ATP11B: variants seen among roughly 807,000 people sequenced by gnomAD.
ATP11B encodes phospholipid-transporting ATPase IF.
A neutral mutation model predicts 157.8 loss-of-function variants in ATP11B; 81 were observed. The observed-to-expected ratio is 0.51, with a 90% CI of 0.43 to 0.62. The LOEUF is 0.62. ATP11B is among the 20% of genes least tolerant of loss of function. The pLI is 0.00. For synonymous variants in ATP11B, 451 were observed against 469.4 expected (o/e 0.96, Z 0.51); for missense variants, 1,165 against 1,402.2 (o/e 0.83, Z 2.70).
intron 18 of ATP11B, 46 bp from the exon 19 acceptor site, chr3:182,873,766 G>A: frequency 1.3e-6 from 2 of 1,485,734 alleles, no homozygotes; most frequent in South Asian, 1.1e-5. Context: ...TTAAAATACA[G>A]TCATAAAAGT....
At chr3:182,873,679 T>C (rs1288120909) in intron 18 of ATP11B, 133 bp from the exon 19 acceptor site, 20 of 696,986 alleles carry the variant, frequency 2.9e-5, no homozygotes, top group Non-Finnish European at 3.5e-5. Flanking sequence ...CCAGTTATAT[T>C]GCTATATTGT....
chr3:182,872,810 G>C (rs1721762933), intron 18 of ATP11B, among the ~76,000 whole-genome samples: 1 of 152,140 alleles, frequency 6.6e-6, no homozygotes, highest in Non-Finnish European at 1.5e-5. Context: ...GCAAACACTT[G>C]AAGCACCTGC....
At chr3:182,814,924 C>T (rs995094283) in intron 1 of ATP11B, among the ~76,000 whole-genome samples, 2 of 152,158 alleles carry the variant, frequency 1.3e-5, no homozygotes, top group African/African-American at 4.8e-5. Context: ...GTACATAACA[C>T]ATGCCTTCCT....
At chr3:182,861,374 A>AT (rs1720826936) in intron 12 of ATP11B, among the ~76,000 whole-genome samples, 1 of 152,102 alleles carries the variant, frequency 6.6e-6, no homozygotes. Flanking sequence ...CTAATAATAC[A>AT]TTTTTTAAAA....
intron 28 of ATP11B, chr3:182,905,979 A>T: frequency 2.5e-6 from 1 of 406,874 alleles, no homozygotes; most frequent in Non-Finnish European, 5.1e-6. Context: ...CTTGGGGGGC[A>T]TGTCATGGGA....
rs899697424 is a variant in ATP11B at position 182,918,239 on chromosome 3, T to C, written c.*135T>C. The C allele has an allele frequency of 7.8e-6, 10 of 1,277,818 alleles. No homozygotes were observed. In the Admixed American group the frequency reaches 1.3e-4, roughly 17 times the overall value. The allele number at this position is 1,277,818 out of a possible 1,614,324, so 79.2% of individuals were successfully genotyped here. On this transcript the variant is annotated 3_prime_UTR_variant, in exon 30 of 30. Coordinates refer to ENST00000323116, the MANE Select transcript of ATP11B (RefSeq NM_014616.3). ...AGTAGTTCATACCCACTCAGAGTTA[T>C]AATGGCAAACAAACAGAAAGCATTA...
chr3:182,896,965 A>G (rs1723592875), intron 26 of ATP11B, among the ~76,000 whole-genome samples, 200 bp downstream of exon 26: 1 of 152,114 alleles, frequency 6.6e-6, no homozygotes, highest in East Asian at 1.9e-4. Flanking sequence ...GCCTCAGCTG[A>G]TATTTATGAT....
rs1005557995 is a variant in ATP11B at position 182,920,410 on chromosome 3, T to G, written c.*2306T>G. The G allele has an allele frequency of 7.2e-5, 11 of 152,226 alleles. No individual in the cohort carries two copies. Among genetic ancestry groups the G allele is most frequent in the African/African-American group, 2.7e-4 (11 of 41,450 alleles). The allele number at this position is 152,226 out of a possible 1,614,324, so 9.4% of individuals were successfully genotyped here. On this transcript the variant is annotated 3_prime_UTR_variant, in exon 30 of 30. Coordinates refer to ENST00000323116, the MANE Select transcript of ATP11B (RefSeq NM_014616.3). ...GAAAGTAACAATGCAGTCTGCAAGCTTTCAGTAGTTTTCTAGTGCTATATT... is the reference window on the plus strand; with the variant it reads ...GAAAGTAACAATGCAGTCTGCAAGCGTTCAGTAGTTTTCTAGTGCTATATT...
intron 1 of ATP11B, among the ~76,000 whole-genome samples, chr3:182,804,438 G>A (rs1256310405): frequency 2.0e-5 from 3 of 151,872 alleles, no homozygotes; most frequent in African/African-American, 7.3e-5. Flanking sequence ...GCAGAGACGG[G>A]GTTTCACCAT....
chr3:182,848,667 C>G (rs922358538), intron 10 of ATP11B, 110 bp downstream of exon 10: 1 of 433,952 alleles, frequency 2.3e-6, no homozygotes, highest in East Asian at 6.7e-5. Context: ...AGAATGAAAA[C>G]CTTGGGGACA....
rs923739415 is a variant in ATP11B, at chr3:182,866,257, C to T, written c.1444-11C>T. 1.3e-5 allele frequency: 20 copies of T among 1,512,000 alleles called. No homozygotes were observed. The highest frequency in any genetic ancestry group is 1.8e-5 in the Non-Finnish European group (20 of 1,121,320). 93.7% of individuals were successfully genotyped at this position (1,512,000 alleles called of 1,614,324 possible). On this transcript the variant is annotated splice_polypyrimidine_tract_variant and intron_variant, in intron 13 of 29. Coordinates refer to ENST00000323116, the MANE Select transcript of ATP11B (RefSeq NM_014616.3). ...ATATTTTTATCATGAATATTAATTA[C>T]ATTTTTACAGATTAAAGAACATGAT...
At chr3:182,847,137 GC>G (rs1719596850) in intron 9 of ATP11B, among the ~76,000 whole-genome samples, 1 of 146,138 alleles carries the variant, frequency 6.8e-6, no homozygotes, top group Non-Finnish European at 1.5e-5. Flanking sequence ...TGCAACCTCT[GC>G]CTCCCGGGTT....
At chr3:182,886,138 T>G (rs1237316026) in intron 23 of ATP11B, 128 bp downstream of exon 23, 16 of 511,668 alleles carry the variant, frequency 3.1e-5, no homozygotes, top group Non-Finnish European at 5.1e-5. Context: ...CAGACAGAAC[T>G]TTTCTGTTTA....
At chr3:182,813,607 C>T (rs1207659654) in intron 1 of ATP11B, among the ~76,000 whole-genome samples, 1 of 152,086 alleles carries the variant, frequency 6.6e-6, no homozygotes, top group Non-Finnish European at 1.5e-5. Context: ...TTCCTGCTAG[C>T]CCCTCTTATA....
Position 182,884,774 on chromosome 3 carries a change from G to A in ATP11B, c.2531G>A (p.Arg844Lys), listed in dbSNP as rs777636880. Reference sequence around the variant, plus strand: ...ATAGGAATCATGGGTAAAGAAGGAAGACAGGCTGCAAGAAACAGTGACTAT... The same window carrying A: ...ATAGGAATCATGGGTAAAGAAGGAAAACAGGCTGCAAGAAACAGTGACTAT... Reference protein sequence around the residue: ...VGIGIMGKEGRQAARNSDYAI... With the variant: ...VGIGIMGKEGKQAARNSDYAI... The change falls in exon 22 of 30, where the codon AGA (arginine) becomes AAA (lysine). Residue 844 changes from arginine to lysine, a missense_variant. By Grantham distance (26) the Arg-to-Lys change is conservative (BLOSUM62 2). Transcript: ENST00000323116. 1 of 1,596,782 alleles carries A rather than the reference G, an allele frequency of 6.3e-7. No homozygotes were observed. Among genetic ancestry groups the A allele is most frequent in the East Asian group, 2.3e-5 (1 of 44,398 alleles).
In ATP11B at chr3:182,921,551, A is replaced by C. The variant is rs1017079609; in HGVS notation, c.*3447A>C. 1.3e-5 allele frequency: 2 copies of C among 152,228 alleles called. No homozygotes were observed. The highest frequency in any genetic ancestry group is 2.9e-5 in the Non-Finnish European group (2 of 68,042). The allele number at this position is 152,228 out of a possible 1,614,324, so 9.4% of individuals were successfully genotyped here. On this transcript the variant is annotated 3_prime_UTR_variant, in exon 30 of 30. Transcript: ENST00000323116. ...AATTCTCTGCATTGTCAGTAAATGT[A>C]GTATATTATTGTACAGCTACTCATA...
At chr3:182,846,232 T>C (rs1047244899) in intron 9 of ATP11B, among the ~76,000 whole-genome samples, 1 of 152,088 alleles carries the variant, frequency 6.6e-6, no homozygotes, top group African/African-American at 2.4e-5. Flanking sequence ...TTGCTCTTTT[T>C]CTGTTACCTG....
intron 11 of ATP11B, among the ~76,000 whole-genome samples, chr3:182,858,444 TTA>T (rs1487098141): frequency 6.6e-6 from 1 of 152,196 alleles, no homozygotes; most frequent in African/African-American, 2.4e-5. Flanking sequence ...AATATGCAAA[TTA>T]TGTCATATAT....
intron 1 of ATP11B, among the ~76,000 whole-genome samples, chr3:182,819,235 AT>A (rs569354183): frequency 6.6e-6 from 1 of 151,208 alleles, no homozygotes; most frequent in East Asian, 1.9e-4. Flanking sequence ...CGCCCGGCTA[AT>A]TTTTTTTGTA....
Sources: gnomAD v4.1 joint callset for allele counts (sites outside exome capture counted in the v4.1 genomes callset) on GRCh38, gnomAD v4.1.1 for gene constraint, MANE v1.5 for transcripts, NCBI Gene and HGNC (gene_info 2026-07-23, HGNC 2026-07-21) for gene names.